CACNA1D: variants seen among roughly 807,000 people sequenced by gnomAD.
CACNA1D encodes voltage-dependent L-type calcium channel subunit alpha-1D.
Under a neutral mutation model 257.1 loss-of-function variants are expected in CACNA1D, and 55 were observed. That is an observed-to-expected ratio of 0.21 (90% CI 0.17 to 0.27). The LOEUF is 0.27. CACNA1D is among the 10% of genes least tolerant of loss of function. The pLI is 1.00. For synonymous variants in CACNA1D, 980 were observed against 1,014.9 expected (o/e 0.97, Z 0.65); for missense variants, 1,876 against 2,784.0 (o/e 0.67, Z 7.34).
intron 2 of CACNA1D, among the ~76,000 whole-genome samples, chr3:53,499,959 A>G (rs2090519487): frequency 6.6e-6 from 1 of 152,160 alleles, no homozygotes; most frequent in Admixed American, 6.5e-5. Flanking sequence ...AGATGAGTTG[A>G]GAGAACCAAT....
Position 53,550,079 on chromosome 3 carries a change from C to T in CACNA1D, c.483+48359C>T, listed in dbSNP as rs141538825. Among the ~76,000 whole-genome samples the T allele has an allele frequency of 3.8e-3, 585 of 152,182 alleles. 3 individuals are homozygous for T. The highest frequency in any genetic ancestry group is 0.014 in the African/African-American group (563 of 41,506). On this transcript the variant is annotated intron_variant, in intron 3 of 47. Transcript: ENST00000350061. ...TGGTGCTGACCTGTCCCTGATTGCCCCTCATAGAAAGCGAATTGGCTCTCC... is the reference window on the plus strand; with the variant it reads ...TGGTGCTGACCTGTCCCTGATTGCCTCTCATAGAAAGCGAATTGGCTCTCC...
intron 3 of CACNA1D, among the ~76,000 whole-genome samples, chr3:53,598,426 A>C (rs960089984): frequency 5.3e-5 from 8 of 151,328 alleles, no homozygotes; most frequent in East Asian, 1.9e-4. Context: ...AAAAAAAAAA[A>C]CCCAAAAATT....
chr3:53,762,965 G>A (rs1385667867), intron 30 of CACNA1D, among the ~76,000 whole-genome samples: 10 of 152,220 alleles, frequency 6.6e-5, no homozygotes, highest in Non-Finnish European at 8.8e-5. Flanking sequence ...GAAGTCATCC[G>A]AGTGCTATGT....
intron 8 of CACNA1D, among the ~76,000 whole-genome samples, chr3:53,691,729 A>ATTACATATATAATATATATATTAC (rs2094522673): frequency 2.1e-5 from 1 of 47,738 alleles, no homozygotes; most frequent in Non-Finnish European, 4.1e-5. Flanking sequence ...TTACATATAT[A>ATTACATATATAATATATATATTAC]ATATATATAT....
intron 3 of CACNA1D, among the ~76,000 whole-genome samples, chr3:53,584,980 G>T (rs1262512821): frequency 6.6e-6 from 1 of 151,570 alleles, no homozygotes; most frequent in African/African-American, 2.4e-5. Flanking sequence ...CTTTCCTGAA[G>T]AATGAAAAGC....
intron 33 of CACNA1D, chr3:53,773,750 A>G (rs1317739477): frequency 1.3e-5 from 2 of 152,082 alleles, no homozygotes; most frequent in African/African-American, 4.8e-5. Context: ...TATGAAACAA[A>G]AGTCAGCATA....
chr3:53,753,777 A>G (rs1260270502), intron 29 of CACNA1D, 95 bp downstream of exon 29: 2 of 790,666 alleles, frequency 2.5e-6, no homozygotes, highest in African/African-American at 3.4e-5. Context: ...ATTATGCTAA[A>G]GTGTTCTGGC....
chr3:53,561,579 G>A (rs2092740105), intron 3 of CACNA1D, among the ~76,000 whole-genome samples: 1 of 152,168 alleles, frequency 6.6e-6, no homozygotes, highest in Admixed American at 6.5e-5. Flanking sequence ...TGTGATGGCT[G>A]TTGACATAGA....
In CACNA1D at chr3:53,813,731, A is replaced by G. The variant is rs2095610587; in HGVS notation, c.*2325A>G. The G allele has an allele frequency of 6.6e-6, 1 of 152,228 alleles. No individual in the cohort carries two copies. The highest frequency in any genetic ancestry group is 2.4e-5 in the African/African-American group (1 of 41,458). 9.4% of individuals were successfully genotyped at this position (152,228 alleles called of 1,614,324 possible). A position where few individuals can be genotyped will look rare whatever the true frequency, so the allele number is the denominator to read the frequency against. The stretch of plus-strand genomic sequence containing the variant: ...AATATTAAATTTTTCTTTGTAAGAA[A>G]AATTTGAAGTTGTAGAGCATGGTTT... On this transcript the variant is annotated 3_prime_UTR_variant, in exon 48 of 48. Transcript: ENST00000350061.
At position 53,743,018 on chromosome 3, in the gene CACNA1D, C is replaced by T; in HGVS notation, c.2819C>T (p.Thr940Ile). The stretch of plus-strand genomic sequence containing the variant: ...CCATGATTCTGCTTCTAGATGACAA[C>T]TTTTGGAGCTTTCCTCCACAAAGGG... The part of the protein sequence containing the change: ...FTVEILLKMT[T>I]FGAFLHKGAF... The change falls in exon 22 of 48, where the codon ACT becomes ATT. Residue 940 changes from threonine to isoleucine, a missense_variant. Around this residue, in one of 10 missense-constraint regions of CACNA1D, gnomAD observed 271 missense variants for 425.5 expected, o/e 0.64. Transcript: ENST00000350061. 6.2e-7 allele frequency: 1 copy of T among 1,609,938 alleles called. No homozygotes were observed. Among genetic ancestry groups the T allele is most frequent in the African/African-American group, 1.3e-5 (1 of 74,948 alleles).
intron 8 of CACNA1D, among the ~76,000 whole-genome samples, chr3:53,691,823 T>TATATA (rs2094527591): frequency 1.9e-5 from 2 of 103,806 alleles, no homozygotes; most frequent in Admixed American, 2.8e-4. Flanking sequence ...TTATATATTA[T>TATATA]ATCTATAATA....
intron 3 of CACNA1D, among the ~76,000 whole-genome samples, chr3:53,573,744 A>G (rs551186598): frequency 6.6e-6 from 1 of 152,168 alleles, no homozygotes; most frequent in Non-Finnish European, 1.5e-5. Flanking sequence ...CACTCTATAC[A>G]TGGTTGAATG....
chr3:53,724,920 A>T (rs56728015), intron 14 of CACNA1D, among the ~76,000 whole-genome samples: 5,039 of 151,130 alleles, frequency 0.033, 279 homozygotes, highest in African/African-American at 0.12. Context: ...AAGCCATAGT[A>T]TTGTTGTTTG....
chr3:53,748,053 A>G (rs1306512304), intron 26 of CACNA1D, among the ~76,000 whole-genome samples: 1 of 152,174 alleles, frequency 6.6e-6, no homozygotes, highest in Non-Finnish European at 1.5e-5. Flanking sequence ...CCCAAATCAA[A>G]TCAGTGTCAA....
rs537929564 is a variant in CACNA1D, at chr3:53,756,624, G to C, written c.3786+2942G>C. 7.9e-5 allele frequency among the ~76,000 whole-genome samples: 12 copies of C among 152,324 alleles called. No individual in the cohort carries two copies. The South Asian group carries it at 1.7e-3, about 21-fold the overall frequency. On this transcript the variant is annotated intron_variant, in intron 29 of 47. Coordinates refer to ENST00000350061, the MANE Select transcript of CACNA1D (RefSeq NM_001128840.3). ...CTTGGGGTCAACTAGACCTCTGTAGGGTTTTCAAAAGCAGGCCCTAGTTTA... is the reference window on the plus strand; with the variant it reads ...CTTGGGGTCAACTAGACCTCTGTAGCGTTTTCAAAAGCAGGCCCTAGTTTA...
chr3:53,600,463 G>T (rs914263280), intron 3 of CACNA1D, among the ~76,000 whole-genome samples: 1 of 152,152 alleles, frequency 6.6e-6, no homozygotes, highest in Admixed American at 6.5e-5. Context: ...AATATCTCTT[G>T]TAGTTAATAT....
At chr3:53,756,163 A>G (rs888488086) in intron 29 of CACNA1D, among the ~76,000 whole-genome samples, 1 of 152,200 alleles carries the variant, frequency 6.6e-6, no homozygotes, top group African/African-American at 2.4e-5. Context: ...GAGGTAAGAC[A>G]AAATTCTTAC....
chr3:53,716,084 G>A (rs1040512785), intron 9 of CACNA1D, among the ~76,000 whole-genome samples: 12 of 152,202 alleles, frequency 7.9e-5, no homozygotes, highest in Admixed American at 2.0e-4. Context: ...AAGCCACAAA[G>A]ACTTAGTCTT....
intron 10 of CACNA1D, 109 bp from the exon 11 acceptor site, chr3:53,719,646 T>A (rs1437587198): frequency 3.0e-6 from 3 of 992,230 alleles, no homozygotes; most frequent in African/African-American, 3.2e-5. Flanking sequence ...CCAGGGGTGC[T>A]AAGTCCAGGC....
Sources: allele counts gnomAD v4.1 joint callset (sites outside exome capture counted in the v4.1 genomes callset), GRCh38; gene constraint gnomAD v4.1.1; regional missense constraint gnomAD v4.1.1; transcripts MANE v1.5; gene names NCBI Gene and HGNC (gene_info 2026-07-23, HGNC 2026-07-21).